Variants in PCDH15 observed in about 807,000 individuals in gnomAD.
PCDH15 encodes protocadherin related 15.
In PCDH15, 129 loss-of-function variants were observed where a neutral mutation model predicts 178.5. The observed-to-expected ratio is 0.72, with a 90% CI of 0.63 to 0.84. PCDH15 has a LOEUF of 0.84. PCDH15 is among the 40% of genes least tolerant of loss of function. The pLI is 0.00. For missense variants in PCDH15, 2,230 were observed against 2,099.9 expected (o/e 1.06, Z -1.21); for synonymous variants, 800 against 732.0 (o/e 1.09, Z -1.50).
chr10:53,838,368 A>G (rs561341219), intron 29 of PCDH15, among the ~76,000 whole-genome samples: 15 of 152,144 alleles, frequency 9.9e-5, no homozygotes, highest in Non-Finnish European at 1.9e-4. Flanking sequence ...TACTGTCCAT[A>G]ATATAATTTA....
At chr10:54,145,708 T>G (rs2043838040) in intron 14 of PCDH15, among the ~76,000 whole-genome samples, 1 of 152,016 alleles carries the variant, frequency 6.6e-6, no homozygotes, top group Non-Finnish European at 1.5e-5. Context: ...GTATGTTTTG[T>G]GGAACTAAAG....
chr10:54,242,443 T>G lies in PCDH15; in HGVS notation c.877-5512A>C, dbSNP rs116639921. On this transcript the variant is annotated intron_variant, in intron 8 of 37. Coordinates refer to ENST00000644397, the MANE Select transcript of PCDH15 (RefSeq NM_001384140.1). Reference sequence around the variant, plus strand: ...CCATAGAACAATAAGATTTAACCTATTATATCATCCCTAATGTTAAATGCA... The same window carrying G: ...CCATAGAACAATAAGATTTAACCTAGTATATCATCCCTAATGTTAAATGCA... Among the ~76,000 whole-genome samples, 585 of 151,826 alleles carry G rather than the reference T, an allele frequency of 3.9e-3. 3 individuals are homozygous for G. Among genetic ancestry groups the G allele is most frequent in the African/African-American group, 0.013 (551 of 41,478 alleles).
chr10:54,386,644 G>A (rs187041402), intron 3 of PCDH15, among the ~76,000 whole-genome samples: 3 of 152,206 alleles, frequency 2.0e-5, no homozygotes, highest in Admixed American at 1.3e-4. Flanking sequence ...ATTGAAAAGT[G>A]TGTAAAGAAC....
chr10:55,360,424 G>A (rs560134212), intron 2 of PCDH15, among the ~76,000 whole-genome samples: 82 of 151,944 alleles, frequency 5.4e-4, no homozygotes, highest in African/African-American at 1.9e-3. Flanking sequence ...ACATAATTAA[G>A]AGACCATTAA....
intron 28 of PCDH15, among the ~76,000 whole-genome samples, chr10:53,845,774 T>G (rs1273850042): frequency 6.6e-6 from 1 of 151,388 alleles, no homozygotes; most frequent in Non-Finnish European, 1.5e-5. Flanking sequence ...AAAATACAGA[T>G]AGAGAAAATA....
intron 18 of PCDH15, among the ~76,000 whole-genome samples, chr10:54,044,293 A>G (rs1245806575): frequency 6.6e-6 from 1 of 152,138 alleles, no homozygotes; most frequent in Non-Finnish European, 1.5e-5. Flanking sequence ...GTAGGTAGTG[A>G]AAGTGCCTGG....
intron 21 of PCDH15, among the ~76,000 whole-genome samples, chr10:53,974,195 A>G (rs2090001805): frequency 6.6e-6 from 1 of 152,074 alleles, no homozygotes; most frequent in Non-Finnish European, 1.5e-5. Flanking sequence ...TTGCATTTTT[A>G]GAAGAGACAG....
At chr10:54,542,211 T>G (rs971561043) in intron 2 of PCDH15, among the ~76,000 whole-genome samples, 8 of 152,342 alleles carry the variant, frequency 5.3e-5, no homozygotes, top group Admixed American at 3.3e-4. Flanking sequence ...TTCAGAAGAC[T>G]GTGCTAATAT....
At chr10:55,468,248 A>T (rs777583114) in intron 2 of PCDH15, 2 of 152,156 alleles carry the variant, frequency 1.3e-5, no homozygotes, top group Non-Finnish European at 2.9e-5. Context: ...TACAACTCAG[A>T]TAAGTCTGCC....
At chr10:55,481,665 G>T (rs1362117197) in intron 2 of PCDH15, among the ~76,000 whole-genome samples, 1 of 151,762 alleles carries the variant, frequency 6.6e-6, no homozygotes, top group South Asian at 2.1e-4. Context: ...TCTTAGACTT[G>T]AGTTTTAATA....
intron 3 of PCDH15, among the ~76,000 whole-genome samples, chr10:54,862,608 A>G (rs1045548985): frequency 7.2e-5 from 11 of 152,122 alleles, no homozygotes; most frequent in Admixed American, 2.6e-4. Flanking sequence ...CTGGTCCCTC[A>G]TGAATAGATT....
intron 2 of PCDH15, chr10:54,654,925 A>T (rs2094341809): frequency 6.6e-6 from 1 of 152,212 alleles, no homozygotes; most frequent in Admixed American, 6.5e-5. Flanking sequence ...AAATAAGAAC[A>T]TCTAGGCCAG....
At chr10:54,240,626 CTTTTTTTTTT>C (rs1228784141) in intron 8 of PCDH15, among the ~76,000 whole-genome samples, 65 of 79,688 alleles carry the variant, frequency 8.2e-4, no homozygotes, top group South Asian at 2.7e-3. Flanking sequence ...TTTTCTTTTG[CTTTTTTTTTT>C]TTTTTTTTTT....
At chr10:54,899,896 G>T (rs918578135) in intron 2 of PCDH15, among the ~76,000 whole-genome samples, 11 of 151,078 alleles carry the variant, frequency 7.3e-5, no homozygotes, top group Non-Finnish European at 1.6e-4. Flanking sequence ...TTTTAGAGTT[G>T]CTTAAAATTT....
chr10:54,188,479 G>A (rs567300661), intron 11 of PCDH15, among the ~76,000 whole-genome samples: 15 of 151,634 alleles, frequency 9.9e-5, no homozygotes, highest in South Asian at 4.1e-4. Flanking sequence ...ATTAAAAACC[G>A]TTAATTTTCC....
intron 2 of PCDH15, among the ~76,000 whole-genome samples, chr10:55,409,592 T>C (rs1268135525): frequency 6.6e-6 from 1 of 151,956 alleles, no homozygotes; most frequent in Non-Finnish European, 1.5e-5. Flanking sequence ...TAGATCACCA[T>C]ACCGTTCAGT....
chr10:55,194,169 G>T (rs1193372233), intron 1 of PCDH15, among the ~76,000 whole-genome samples: 1 of 152,016 alleles, frequency 6.6e-6, no homozygotes, highest in Non-Finnish European at 1.5e-5. Context: ...TACATTTGCA[G>T]AGCATTGATC....
Position 55,330,122 on chromosome 10 carries a change from C to G in PCDH15, c.-155-163471G>C, listed in dbSNP as rs545178163. On this transcript the variant is annotated intron_variant, in intron 2 of 5. Coordinates refer to the PCDH15 transcript ENST00000613346. ...AAAACTCTTAGTAAAATCAAATTTT[C>G]TTAAATTCATATACTATTATTTAGT... Among the ~76,000 whole-genome samples the G allele has an allele frequency of 5.9e-5, 9 of 151,792 alleles. No individual in the cohort carries two copies. The East Asian group carries it at 1.7e-3, about 29-fold the overall frequency.
chr10:53,903,194 A>T (rs768350918), intron 26 of PCDH15, 49 bp downstream of exon 26: 30 of 1,606,714 alleles, frequency 1.9e-5, no homozygotes, highest in South Asian at 9.9e-5. Context: ...CTTATCTGCA[A>T]AACCTGAGCT....
Sources: gnomAD v4.1 joint callset for allele counts (sites outside exome capture counted in the v4.1 genomes callset) on GRCh38, gnomAD v4.1.1 for gene constraint, MANE v1.5 for transcripts, NCBI Gene and HGNC (gene_info 2026-07-23, HGNC 2026-07-21) for gene names.